Variants in MYZAP observed in about 807,000 individuals in gnomAD.
MYZAP encodes the protein myocardial zonula adherens protein, also known as GRINL1A complex locus upstream.
In MYZAP, 66 loss-of-function variants were observed where a neutral mutation model predicts 69.4. The observed-to-expected ratio is 0.95, with a 90% CI of 0.78 to 1.17. The LOEUF (loss-of-function observed/expected upper bound fraction) is 1.17. MYZAP is among the 50% of genes most tolerant of loss of function. MYZAP has a pLI of 0.00. For missense variants in MYZAP, 611 were observed against 556.2 expected (o/e 1.10, Z -0.99); for synonymous variants, 256 against 205.9 (o/e 1.24, Z -2.09).
At chr15:57,608,752 C>T (rs1340496603) in intron 2 of MYZAP, among the ~76,000 whole-genome samples, 2 of 152,194 alleles carry the variant, frequency 1.3e-5, no homozygotes, top group African/African-American at 4.8e-5. Context: ...GGCCCTGGGT[C>T]TTTGTTTTTA....
chr15:57,604,164 C>G, intron 1 of MYZAP, 105 bp from the exon 2 acceptor site: 1 of 1,198,372 alleles, frequency 8.3e-7, no homozygotes, highest in Non-Finnish European at 1.2e-6. Context: ...GACAGTGTTC[C>G]CCAATGGAAG....
intron 2 of MYZAP, among the ~76,000 whole-genome samples, chr15:57,612,502 C>G (rs1595865222): frequency 6.6e-6 from 1 of 152,204 alleles, no homozygotes; most frequent in East Asian, 1.9e-4. Flanking sequence ...TTTTTCCCTT[C>G]AAAATGTATT....
intron 10 of MYZAP, among the ~76,000 whole-genome samples, chr15:57,656,529 G>C (rs183777586): frequency 6.6e-6 from 1 of 152,288 alleles, no homozygotes; most frequent in Admixed American, 6.5e-5. Flanking sequence ...ATGAACCAAA[G>C]GCTTGAGAGT....
At chr15:57,641,363 C>T (rs936560160) in intron 10 of MYZAP, among the ~76,000 whole-genome samples, 3 of 152,042 alleles carry the variant, frequency 2.0e-5, no homozygotes, top group Admixed American at 1.3e-4. Flanking sequence ...AGTACACATA[C>T]GTACACACAT....
At chr15:57,629,924 C>G (rs182940021) in intron 6 of MYZAP, 70 bp downstream of exon 6, 148 of 1,524,486 alleles carry the variant, frequency 9.7e-5, no homozygotes, top group Middle Eastern at 8.7e-4. Context: ...TTTCTCTTCC[C>G]ATCTTCAACC....
chr15:57,620,981 T>G (rs2035768727), intron 3 of MYZAP, among the ~76,000 whole-genome samples: 1 of 148,566 alleles, frequency 6.7e-6, no homozygotes, highest in Admixed American at 6.7e-5. Context: ...ATATATAATT[T>G]TATGTAATTA....
Position 57,633,621 on chromosome 15 carries a change from C to T in MYZAP, c.813C>T (p.Thr271=), listed in dbSNP as rs1343144316. 6.2e-7 allele frequency: 1 copy of T among 1,612,064 alleles called. No homozygotes were observed. The change falls in exon 8 of 13, where the codon ACC becomes ACT. Residue 271 remains threonine, a synonymous_variant. Coordinates refer to ENST00000267853, the MANE Select transcript of MYZAP (RefSeq NM_001018100.5). ...GTATATTTCTTTTGCAGGAAGAAAC[C>T]AATAGTTTTCTGAAAGCGATTGAAG... ...SAEKEALLEE[T]NSFLKAIEEA... is the part of the protein sequence containing the mutation.
intron 6 of MYZAP, among the ~76,000 whole-genome samples, chr15:57,631,157 G>A (rs564935132): frequency 6.7e-6 from 1 of 148,330 alleles, no homozygotes; most frequent in East Asian, 2.0e-4. Flanking sequence ...TGCTAAAAAA[G>A]CCTGAAATTA....
At chr15:57,617,900 C>A in intron 2 of MYZAP, 133 bp from the exon 3 acceptor site, 1 of 1,254,434 alleles carries the variant, frequency 8.0e-7, no homozygotes, top group Non-Finnish European at 1.1e-6. Context: ...GATTTTTGCT[C>A]CCTCCATCTC....
intron 11 of MYZAP, among the ~76,000 whole-genome samples, chr15:57,671,212 C>T (rs533499749): frequency 2.8e-4 from 43 of 151,996 alleles, no homozygotes; most frequent in African/African-American, 8.7e-4. Context: ...TCTAAGTTGC[C>T]GGTTTATTTC....
intron 2 of MYZAP, among the ~76,000 whole-genome samples, chr15:57,608,091 A>T (rs1420641622): frequency 6.6e-6 from 1 of 152,220 alleles, no homozygotes; most frequent in Non-Finnish European, 1.5e-5. Context: ...ATATGTGAGT[A>T]GAAAGTTGTA....
intron 11 of MYZAP, among the ~76,000 whole-genome samples, chr15:57,672,495 A>C (rs1297330740): frequency 7.1e-6 from 1 of 140,298 alleles, no homozygotes; most frequent in African/African-American, 2.6e-5. Flanking sequence ...TTGCAGCAGG[A>C]TCAGTGTGTT....
intron 2 of MYZAP, among the ~76,000 whole-genome samples, chr15:57,608,942 G>A (rs2034932215): frequency 1.3e-5 from 2 of 152,130 alleles, no homozygotes; most frequent in South Asian, 4.1e-4. Flanking sequence ...TCAGCTAAAG[G>A]CCCACTTCCT....
At chr15:57,678,622 G>A (rs978883921) in intron 12 of MYZAP, among the ~76,000 whole-genome samples, 12 of 152,102 alleles carry the variant, frequency 7.9e-5, no homozygotes, top group Admixed American at 6.5e-4. Context: ...TATGCATTGG[G>A]CTCTTCAGTT....
chr15:57,672,019 A>T (rs540180261), intron 11 of MYZAP, among the ~76,000 whole-genome samples: 5 of 152,216 alleles, frequency 3.3e-5, no homozygotes, highest in Non-Finnish European at 7.3e-5. Flanking sequence ...ACCCAACTAC[A>T]TCCTGCCTGT....
intron 11 of MYZAP, among the ~76,000 whole-genome samples, chr15:57,662,922 A>G (rs1201524075): frequency 2.0e-5 from 3 of 152,220 alleles, no homozygotes; most frequent in Non-Finnish European, 4.4e-5. Context: ...TCAACGCCCA[A>G]GAGTCTCTGT....
rs1435662312 is a variant in MYZAP at position 57,647,588 on chromosome 15, G to A, written c.1119+8043G>A. Reference sequence around the variant, plus strand: ...CTTTCAGGGTGGTGTGCTTTCTTCTGCTTTTAGAGTTTCTTTTCTCTTTTG... The same window carrying A: ...CTTTCAGGGTGGTGTGCTTTCTTCTACTTTTAGAGTTTCTTTTCTCTTTTG... On this transcript the variant is annotated intron_variant, in intron 10 of 12. Coordinates refer to ENST00000267853, the MANE Select transcript of MYZAP (RefSeq NM_001018100.5). 5.1e-6 allele frequency: 5 copies of A among 985,288 alleles called. No individual in the cohort carries two copies. The African/African-American group carries it at 8.7e-5, about 17-fold the overall frequency. The allele number at this position is 985,288 out of a possible 1,614,324, so 61.0% of individuals were successfully genotyped here. A position where few individuals can be genotyped will look rare whatever the true frequency, so the allele number is the denominator to read the frequency against.
intron 1 of MYZAP, among the ~76,000 whole-genome samples, chr15:57,604,029 A>G (rs1270758139): frequency 2.0e-5 from 3 of 152,222 alleles, no homozygotes; most frequent in Non-Finnish European, 2.9e-5. Flanking sequence ...TTTGAAATAG[A>G]TCAAGTGATT....
chr15:57,681,189 G>C (rs2039421922), intron 12 of MYZAP, among the ~76,000 whole-genome samples: 1 of 152,136 alleles, frequency 6.6e-6, no homozygotes, highest in African/African-American at 2.4e-5. Flanking sequence ...ACAGGAGTTG[G>C]CACAAATAGC....
Sources: gnomAD v4.1 joint callset for allele counts (sites outside exome capture counted in the v4.1 genomes callset) on GRCh38, gnomAD v4.1.1 for gene constraint, MANE v1.5 for transcripts, NCBI Gene and HGNC (gene_info 2026-07-23, HGNC 2026-07-21) for gene names.